CXorf38: variants seen among roughly 807,000 people sequenced by gnomAD.
The protein encoded by CXorf38 is chromosome X open reading frame 38.
Under a neutral mutation model 27.5 loss-of-function variants are expected in CXorf38, and 13 were observed. The observed-to-expected ratio is 0.47, with a 90% CI of 0.31 to 0.75. The LOEUF (loss-of-function observed/expected upper bound fraction) is 0.75, where lower values mean the gene tolerates loss of function less well. Among genes scored for constraint, CXorf38 ranks in the 30% least tolerant of loss-of-function variants. CXorf38 has a pLI of 0.05. For missense variants in CXorf38, 240 were observed against 253.2 expected (o/e 0.95, Z 0.35); for synonymous variants, 100 against 99.8 (o/e 1.00, Z -0.01).
At chrX:40,633,808 C>A (rs1199250463) in intron 5 of CXorf38, among the ~76,000 whole-genome samples, 1 of 111,565 alleles carries the variant, frequency 9.0e-6, no homozygotes, top group Non-Finnish European at 1.9e-5. Flanking sequence ...AGTTTTTTAG[C>A]CACTAACTGT....
chrX:40,647,495 C>T lies in CXorf38; in HGVS notation c.26G>A (p.Arg9His), dbSNP rs1427415909. The change falls in exon 1 of 7, where the codon CGC becomes CAC. Residue 9 changes from arginine to histidine, a missense_variant. Transcript: ENST00000327877. MVLSELAARLNCAEYKNWV... is the reference protein window; with the variant it reads MVLSELAAHLNCAEYKNWV... ...GTTCTTGTACTCGGCGCAGTTGAGG[C>T]GCGCCGCTAGCTCCGACAGCACCAT... 5 of 1,185,817 alleles carry T rather than the reference C, an allele frequency of 4.2e-6. No homozygotes were observed. Among genetic ancestry groups the T allele is most frequent in the Admixed American group, 4.6e-5 (2 of 43,215 alleles).
At chrX:40,633,633 T>C (rs1465748276) in intron 5 of CXorf38, among the ~76,000 whole-genome samples, 1 of 111,764 alleles carries the variant, frequency 8.9e-6, no homozygotes, top group African/African-American at 3.3e-5. Flanking sequence ...ATTTCTAGAA[T>C]ATAACGAATG....
chrX:40,635,948 C>T (rs1928046956), intron 5 of CXorf38, among the ~76,000 whole-genome samples: 1 of 112,507 alleles, frequency 8.9e-6, no homozygotes, highest in African/African-American at 3.2e-5. Context: ...ATATCTGATC[C>T]TATCTCCCTT....
chrX:40,626,993 T>G lies in CXorf38; in HGVS notation c.*3171A>C, dbSNP rs750360918. Reference sequence around the variant, plus strand: ...AAACATTTCAAAATACACCAGTACATGTTTGTTGTAAAAATTTCACCTAGG... The same window carrying G: ...AAACATTTCAAAATACACCAGTACAGGTTTGTTGTAAAAATTTCACCTAGG... On this transcript the variant is annotated 3_prime_UTR_variant, in exon 7 of 7. Coordinates refer to ENST00000327877, the MANE Select transcript of CXorf38 (RefSeq NM_144970.3). 9.0e-6 allele frequency: 1 copy of G among 111,608 alleles called. No homozygotes were observed. The highest frequency in any genetic ancestry group is 3.7e-4 in the South Asian group (1 of 2,683). The allele number at this position is 111,608 out of a possible 1,213,427, so 9.2% of individuals were successfully genotyped here.
intron 5 of CXorf38, 47 bp downstream of exon 5, chrX:40,636,486 T>C: frequency 1.1e-6 from 1 of 876,075 alleles, no homozygotes; most frequent in Non-Finnish European, 1.6e-6. Context: ...CCAGAATCTT[T>C]CTTTGTGTTG....
At chrX:40,639,177 G>C in intron 2 of CXorf38, 49 bp from the exon 3 acceptor site, 1 of 1,147,080 alleles carries the variant, frequency 8.7e-7, no homozygotes, top group Non-Finnish European at 1.2e-6. Flanking sequence ...CCAACTCTAG[G>C]AGATGGAAAG....
Position 40,639,537 on chromosome X carries a change from T to TAA in CXorf38, c.352-410_352-409insTT, listed in dbSNP as rs370552633. The TAA allele has an allele frequency of 2.6e-3, 300 of 117,417 alleles. 1 individual carries two copies. Among genetic ancestry groups the TAA allele is most frequent in the African/African-American group, 9.1e-3 (281 of 30,834 alleles). The allele number at this position is 117,417 out of a possible 1,213,427, so 9.7% of individuals were successfully genotyped here. A position where few individuals can be genotyped will look rare whatever the true frequency, so the allele number is the denominator to read the frequency against. On this transcript the variant is annotated intron_variant, in intron 2 of 6. Transcript: ENST00000327877. ...TTGAGGAAGTTCCGTATGGAAGTAT[T>TAA]ATATTAAGAGTCTGGGCTTTGGAGT...
At chrX:40,644,483 T>A (rs1227467355) in intron 2 of CXorf38, among the ~76,000 whole-genome samples, 1 of 112,146 alleles carries the variant, frequency 8.9e-6, no homozygotes, top group Non-Finnish European at 1.9e-5. Flanking sequence ...ATCAACCAAC[T>A]GTGGATGAAA....
rs140816472 is a variant in CXorf38 at position 40,642,453 on chromosome X, G to A, written c.352-3325C>T. 1.3e-4 allele frequency among the ~76,000 whole-genome samples: 14 copies of A among 111,620 alleles called. 1 individual carries two copies. In the East Asian group the frequency reaches 3.7e-3, roughly 29 times the overall value. On this transcript the variant is annotated intron_variant, in intron 2 of 6. Coordinates refer to ENST00000327877, the MANE Select transcript of CXorf38 (RefSeq NM_144970.3). The stretch of plus-strand genomic sequence containing the variant: ...AGAAGAAGGGAACAGAAGAGGCCTG[G>A]CCCTGAGTCCTGAGGAAGGCCAAAA...
intron 5 of CXorf38, among the ~76,000 whole-genome samples, chrX:40,632,358 T>TGG (rs1334848732): frequency 8.9e-6 from 1 of 112,362 alleles, no homozygotes; most frequent in East Asian, 2.8e-4. Context: ...TGATGTGCTC[T>TGG]GTTCCACTTA....
intron 2 of CXorf38, among the ~76,000 whole-genome samples, chrX:40,642,224 T>C (rs1197775939): frequency 9.1e-6 from 1 of 110,302 alleles, no homozygotes; most frequent in Admixed American, 9.7e-5. Flanking sequence ...AAGTTGGTAA[T>C]GGGGAACGGG....
chrX:40,631,393 C>T (rs775691331), intron 5 of CXorf38, among the ~76,000 whole-genome samples: 7 of 107,078 alleles, frequency 6.5e-5, no homozygotes, highest in Admixed American at 2.0e-4. Context: ...CTGCAACTTC[C>T]GCCTCCTGGG....
intron 2 of CXorf38, chrX:40,640,010 A>T (rs1184747567): frequency 5.8e-6 from 1 of 172,097 alleles, no homozygotes; most frequent in African/African-American, 3.2e-5. Context: ...ACAAGGGTAC[A>T]CTCCTGCCAA....
intron 2 of CXorf38, among the ~76,000 whole-genome samples, chrX:40,644,978 T>C (rs1928511112): frequency 9.0e-6 from 1 of 110,605 alleles, no homozygotes; most frequent in Non-Finnish European, 1.9e-5. Flanking sequence ...AGGACTGGAG[T>C]TGGGCCAGGC....
intron 2 of CXorf38, among the ~76,000 whole-genome samples, chrX:40,643,268 T>TA (rs201251150): frequency 9.0e-5 from 10 of 110,877 alleles, no homozygotes; most frequent in South Asian, 3.7e-4. Context: ...CAAGTGTTTT[T>TA]AAAAAAAACA....
intron 2 of CXorf38, among the ~76,000 whole-genome samples, 182 bp downstream of exon 2, chrX:40,646,825 A>C (rs926373947): frequency 9.0e-5 from 10 of 111,213 alleles, no homozygotes; most frequent in East Asian, 5.7e-4. Flanking sequence ...CGGGTAGAAG[A>C]AAGCTTCTAC....
Position 40,630,685 on chromosome X carries a change from T to C in CXorf38, c.890A>G (p.Asp297Gly), listed in dbSNP as rs779340340. ...CAGTTTTTGATGTAGACAGAGGCTG[T>C]CTAGCTTCTGCATATCTTCTGTAAG... ...NGLTEDMQKLDSLCLHQKLDS... is the reference protein window; with the variant it reads ...NGLTEDMQKLGSLCLHQKLDS... The change falls in exon 6 of 7, where the codon GAC (aspartate) becomes GGC (glycine). Residue 297 changes from aspartate (D) to glycine (G), a missense_variant. Coordinates refer to ENST00000327877, the MANE Select transcript of CXorf38 (RefSeq NM_144970.3). The C allele has an allele frequency of 3.3e-6, 4 of 1,207,885 alleles. No individual in the cohort carries two copies. The highest frequency in any genetic ancestry group is 1.7e-5 in the African/African-American group (1 of 57,171).
At chrX:40,641,361 T>A (rs760992788) in intron 2 of CXorf38, among the ~76,000 whole-genome samples, 1 of 112,062 alleles carries the variant, frequency 8.9e-6, no homozygotes, top group South Asian at 3.7e-4. Context: ...TTCTCACCAA[T>A]ATAAGCCAAT....
At chrX:40,632,110 C>T (rs147699441) in intron 5 of CXorf38, among the ~76,000 whole-genome samples, 201 of 111,981 alleles carry the variant, frequency 1.8e-3, no homozygotes, top group African/African-American at 6.0e-3. Flanking sequence ...GGCACTGCAT[C>T]GTTAGCTCTC....
Sources: gnomAD v4.1 joint callset for allele counts (sites outside exome capture counted in the v4.1 genomes callset) on GRCh38, gnomAD v4.1.1 for gene constraint, MANE v1.5 for transcripts, NCBI Gene and HGNC (gene_info 2026-07-23, HGNC 2026-07-21) for gene names.